CCDC6: variants seen among roughly 807,000 people sequenced by gnomAD.
The protein encoded by CCDC6 is coiled-coil domain-containing protein 6.
Under a neutral mutation model 56.6 loss-of-function variants are expected in CCDC6, and 20 were observed. That is an observed-to-expected ratio of 0.35 (90% CI 0.25 to 0.51). The LOEUF is 0.51. Ranked by LOEUF, CCDC6 falls within the 20% of genes least tolerant of loss-of-function variation. CCDC6 has a pLI of 0.95. For synonymous variants in CCDC6, 241 were observed against 234.4 expected (o/e 1.03, Z -0.26); for missense variants, 367 against 601.1 (o/e 0.61, Z 4.07).
chr10:59,856,295 C>T (rs1271732878), intron 1 of CCDC6, among the ~76,000 whole-genome samples: 1 of 145,746 alleles, frequency 6.9e-6, no homozygotes, highest in Non-Finnish European at 1.5e-5. Flanking sequence ...AAGGAATGAG[C>T]ATATAAACGA....
chr10:59,845,914 T>C (rs2070987359), intron 2 of CCDC6, among the ~76,000 whole-genome samples: 1 of 152,224 alleles, frequency 6.6e-6, no homozygotes, highest in Admixed American at 6.5e-5. Context: ...GCCTTTGAAA[T>C]TAACTAAATG....
intron 3 of CCDC6, among the ~76,000 whole-genome samples, chr10:59,828,446 G>C (rs1277132905): frequency 1.3e-5 from 2 of 152,138 alleles, no homozygotes; most frequent in African/African-American, 4.8e-5. Context: ...TGCCAAAAAG[G>C]TAACTAAAAT....
chr10:59,791,720 T>C lies in CCDC6; in HGVS notation c.*1197A>G, dbSNP rs2070469459. ...TGCTGAAAAACAAAAATTAAGATGT[T>C]GCACGTGTTAAGAAAAGAGTGACTC... On this transcript the variant is annotated 3_prime_UTR_variant, in exon 9 of 9. Transcript: ENST00000263102. The C allele has an allele frequency of 2.4e-5, 5 of 212,280 alleles. No homozygotes were observed. The highest frequency in any genetic ancestry group is 4.8e-5 in the Non-Finnish European group (5 of 104,524). 13.1% of individuals were successfully genotyped at this position (212,280 alleles called of 1,614,324 possible).
At chr10:59,810,271 G>C (rs920969780) in intron 5 of CCDC6, among the ~76,000 whole-genome samples, 1 of 152,152 alleles carries the variant, frequency 6.6e-6, no homozygotes. Flanking sequence ...ACATCCTTTA[G>C]GCCCAATCCA....
intron 3 of CCDC6, among the ~76,000 whole-genome samples, chr10:59,819,540 G>C (rs551595202): frequency 6.6e-6 from 1 of 152,108 alleles, no homozygotes; most frequent in Non-Finnish European, 1.5e-5. Context: ...GAACATAACA[G>C]TTCCGCCAAT....
chr10:59,866,496 T>C (rs1460376210), intron 1 of CCDC6, among the ~76,000 whole-genome samples: 1 of 152,238 alleles, frequency 6.6e-6, no homozygotes, highest in Non-Finnish European at 1.5e-5. Context: ...TATACTCGTA[T>C]AACACTGGAC....
chr10:59,886,986 G>A (rs1024861223), intron 1 of CCDC6, among the ~76,000 whole-genome samples: 2 of 152,204 alleles, frequency 1.3e-5, no homozygotes, highest in African/African-American at 4.8e-5. Context: ...CCCTCTGACA[G>A]TGTAGTATGG....
intron 1 of CCDC6, among the ~76,000 whole-genome samples, chr10:59,880,434 C>G (rs2071323259): frequency 6.6e-6 from 1 of 152,174 alleles, no homozygotes; most frequent in East Asian, 1.9e-4. Flanking sequence ...AGACATTAAA[C>G]ACTTAAAAAG....
chr10:59,798,009 C>T (rs191050262), intron 7 of CCDC6, among the ~76,000 whole-genome samples: 31 of 152,268 alleles, frequency 2.0e-4, no homozygotes, highest in African/African-American at 7.0e-4. Context: ...AAGCCCTGCT[C>T]GTCAAGAGTC....
Position 59,906,468 on chromosome 10 carries a change from G to T in CCDC6, c.-44C>A. ...AAAGGAGGAGGAGCAGCAGGGAGGC[G>T]GCGGCGACGAAGGCCGGGCTGCGAA... On this transcript the variant is annotated 5_prime_UTR_variant, in exon 1 of 9. Transcript: ENST00000263102. 2.1e-6 allele frequency: 3 copies of T among 1,436,692 alleles called. No homozygotes were observed. The highest frequency in any genetic ancestry group is 3.0e-5 in the South Asian group (2 of 67,362). 89.0% of individuals were successfully genotyped at this position (1,436,692 alleles called of 1,614,324 possible).
chr10:59,855,192 C>T (rs533369372), intron 1 of CCDC6, among the ~76,000 whole-genome samples: 18 of 152,230 alleles, frequency 1.2e-4, no homozygotes, highest in African/African-American at 4.1e-4. Flanking sequence ...TGAAGCCACC[C>T]CTCCCCAATT....
At chr10:59,888,677 C>T (rs1468454750) in intron 1 of CCDC6, among the ~76,000 whole-genome samples, 1 of 152,166 alleles carries the variant, frequency 6.6e-6, no homozygotes, top group Non-Finnish European at 1.5e-5. Context: ...GGAAAAATTG[C>T]TAATTTTGTC....
chr10:59,838,948 C>G (rs1304898170), intron 2 of CCDC6, among the ~76,000 whole-genome samples: 1 of 152,202 alleles, frequency 6.6e-6, no homozygotes, highest in Non-Finnish European at 1.5e-5. Flanking sequence ...GTGAGAAGCA[C>G]ATTGTCATTC....
chr10:59,793,958 C>T (rs1004319662), intron 8 of CCDC6, among the ~76,000 whole-genome samples: 1 of 152,114 alleles, frequency 6.6e-6, no homozygotes, highest in Admixed American at 6.5e-5. Flanking sequence ...CTACTAGCTA[C>T]ATTTCTAATG....
Position 59,790,663 on chromosome 10 carries a change from G to A in CCDC6, c.*2254C>T, listed in dbSNP as rs1244299826. On this transcript the variant is annotated 3_prime_UTR_variant, in exon 9 of 9. Coordinates refer to ENST00000263102, the MANE Select transcript of CCDC6 (RefSeq NM_005436.5). ...ACTAGATTTATGTGGAAAAAGTGCT[G>A]TTTGAAGGAGCTGTGTTTTATTTCG... 2.7e-5 allele frequency: 6 copies of A among 219,962 alleles called. No individual in the cohort carries two copies. The highest frequency in any genetic ancestry group is 2.7e-5 in the Non-Finnish European group (3 of 110,266). 13.6% of individuals were successfully genotyped at this position (219,962 alleles called of 1,614,324 possible).
At chr10:59,806,658 C>T (rs2070626215) in intron 6 of CCDC6, 1 of 385,410 alleles carries the variant, frequency 2.6e-6, no homozygotes, top group Admixed American at 4.0e-5. Context: ...AACTCTGCTG[C>T]TTCTCTAATA....
chr10:59,869,852 C>T (rs1267322357), intron 1 of CCDC6, among the ~76,000 whole-genome samples: 1 of 152,138 alleles, frequency 6.6e-6, no homozygotes, highest in Non-Finnish European at 1.5e-5. Flanking sequence ...CCGACACCCA[C>T]GACACTCCAG....
chr10:59,796,481 A>T (rs888955117), intron 7 of CCDC6, among the ~76,000 whole-genome samples: 7 of 152,162 alleles, frequency 4.6e-5, no homozygotes, highest in African/African-American at 1.7e-4. Flanking sequence ...AAAAATCCTT[A>T]TACACTGTTG....
At chr10:59,887,011 C>T (rs978708349) in intron 1 of CCDC6, among the ~76,000 whole-genome samples, 1 of 152,214 alleles carries the variant, frequency 6.6e-6, no homozygotes, top group African/African-American at 2.4e-5. Flanking sequence ...ACATATCTCT[C>T]ATATCCTACT....
Sources: gnomAD v4.1 joint callset for allele counts (sites outside exome capture counted in the v4.1 genomes callset) on GRCh38, gnomAD v4.1.1 for gene constraint, MANE v1.5 for transcripts, NCBI Gene and HGNC (gene_info 2026-07-23, HGNC 2026-07-21) for gene names.